Variants in DCLK1 observed in about 807,000 individuals in gnomAD.
DCLK1 encodes the protein serine/threonine-protein kinase DCLK1.
Under a neutral mutation model 86.2 loss-of-function variants are expected in DCLK1, and 16 were observed. The ratio of observed to expected loss-of-function variants is 0.19; its 90% CI spans 0.13 to 0.28. The LOEUF (loss-of-function observed/expected upper bound fraction) is 0.28. Among genes scored for constraint, DCLK1 ranks in the 10% least tolerant of loss-of-function variants. The pLI is 1.00. For missense variants in DCLK1, 590 were observed against 940.2 expected, an observed-to-expected ratio of 0.63 and a Z score of 4.87; for synonymous variants, 369 against 370.5, an observed-to-expected ratio of 1.00 and a Z score of 0.05.
intron 3 of DCLK1, among the ~76,000 whole-genome samples, chr13:35,982,552 C>T (rs546335495): frequency 1.3e-5 from 2 of 151,038 alleles, no homozygotes; most frequent in South Asian, 4.2e-4. Context: ...TTTCTAAAAC[C>T]AGAGTGGGCC....
chr13:35,781,621 T>C (rs868114992), intron 16 of DCLK1, among the ~76,000 whole-genome samples: 15 of 152,240 alleles, frequency 9.9e-5, no homozygotes. Context: ...AGGCAAACAT[T>C]GACTGCTTTT....
intron 15 of DCLK1, among the ~76,000 whole-genome samples, chr13:35,802,970 G>T (rs778747233): frequency 6.6e-6 from 1 of 152,178 alleles, no homozygotes; most frequent in Non-Finnish European, 1.5e-5. Flanking sequence ...AGTGAGTTTG[G>T]AAAGGTTGCT....
intron 3 of DCLK1, among the ~76,000 whole-genome samples, chr13:36,045,039 C>G (rs1882827391): frequency 6.6e-6 from 1 of 151,266 alleles, no homozygotes; most frequent in Non-Finnish European, 1.5e-5. Context: ...ACCTCAGAAG[C>G]AGTAATAATA....
intron 4 of DCLK1, among the ~76,000 whole-genome samples, chr13:35,927,425 A>C (rs529695800): frequency 2.0e-4 from 31 of 152,288 alleles, no homozygotes; most frequent in African/African-American, 6.7e-4. Flanking sequence ...CTGAGCTGGG[A>C]GCTAGTCATT....
chr13:35,830,958 A>G (rs929369279), intron 8 of DCLK1, among the ~76,000 whole-genome samples: 9 of 151,684 alleles, frequency 5.9e-5, no homozygotes, highest in Non-Finnish European at 1.3e-4. Context: ...TGTAGAGCAC[A>G]GGAGGGCTGA....
chr13:35,908,421 A>T (rs1593721554), intron 4 of DCLK1, among the ~76,000 whole-genome samples: 1 of 152,200 alleles, frequency 6.6e-6, no homozygotes, highest in East Asian at 1.9e-4. Context: ...GATTATGCTA[A>T]TTCTTAACTA....
intron 3 of DCLK1, among the ~76,000 whole-genome samples, chr13:35,988,145 T>C (rs1880035176): frequency 6.6e-6 from 1 of 152,198 alleles, no homozygotes; most frequent in Non-Finnish European, 1.5e-5. Flanking sequence ...CCTCCAACCC[T>C]GAGTGGCTGG....
intron 1 of DCLK1, among the ~76,000 whole-genome samples, chr13:36,128,521 C>T (rs1886264205): frequency 6.6e-6 from 1 of 152,142 alleles, no homozygotes; most frequent in Admixed American, 6.5e-5. Context: ...ATCCAGACCT[C>T]GTCTGCACAC....
At chr13:36,094,010 T>TC (rs1236907584) in intron 3 of DCLK1, among the ~76,000 whole-genome samples, 2 of 152,214 alleles carry the variant, frequency 1.3e-5, no homozygotes, top group Non-Finnish European at 2.9e-5. Context: ...TGCCTCATCC[T>TC]CCTTAGTAGA....
At chr13:35,879,780 T>G (rs971776687) in intron 4 of DCLK1, among the ~76,000 whole-genome samples, 9 of 152,342 alleles carry the variant, frequency 5.9e-5, no homozygotes, top group Non-Finnish European at 1.2e-4. Context: ...TTTCCTGAAA[T>G]GAATACTGAT....
intron 16 of DCLK1, chr13:35,788,101 T>C (rs984567201): frequency 2.0e-6 from 2 of 988,420 alleles, no homozygotes; most frequent in Non-Finnish European, 3.3e-6. Flanking sequence ...AAGCAGCATA[T>C]GGACTGGATA....
intron 3 of DCLK1, among the ~76,000 whole-genome samples, chr13:35,966,459 A>G (rs1354877928): frequency 6.6e-6 from 1 of 151,704 alleles, no homozygotes; most frequent in Admixed American, 6.6e-5. Context: ...AGCCTTAAAA[A>G]GAATGAAAAT....
chr13:36,006,801 A>C (rs1424576137), intron 3 of DCLK1, among the ~76,000 whole-genome samples: 2 of 152,256 alleles, frequency 1.3e-5, no homozygotes, highest in Non-Finnish European at 2.9e-5. Context: ...AGCTGACCCC[A>C]GTCAAGTAAC....
chr13:35,849,836 T>A (rs1192777706), intron 6 of DCLK1: 1 of 983,870 alleles, frequency 1.0e-6, no homozygotes, highest in East Asian at 1.1e-4. Flanking sequence ...TTGGAAAAAG[T>A]CCAGACACAA....
intron 3 of DCLK1, among the ~76,000 whole-genome samples, chr13:35,975,748 T>A (rs1414898593): frequency 6.6e-6 from 1 of 152,192 alleles, no homozygotes; most frequent in African/African-American, 2.4e-5. Context: ...CTAACTCACC[T>A]GAAATCACCA....
At chr13:36,063,846 T>A (rs995438053) in intron 3 of DCLK1, among the ~76,000 whole-genome samples, 12 of 152,190 alleles carry the variant, frequency 7.9e-5, no homozygotes, top group Non-Finnish European at 1.5e-4. Context: ...AGTACTCAGC[T>A]TGGCACAGAG....
intron 4 of DCLK1, among the ~76,000 whole-genome samples, chr13:35,877,961 C>T (rs1539547): frequency 2.0e-5 from 3 of 152,200 alleles, no homozygotes; most frequent in Non-Finnish European, 4.4e-5. Context: ...TCACTTCCCT[C>T]CCCTTGGGAG....
chr13:35,827,306 T>A (rs1042302582), intron 10 of DCLK1, among the ~76,000 whole-genome samples: 1 of 152,214 alleles, frequency 6.6e-6, no homozygotes, highest in African/African-American at 2.4e-5. Context: ...ATTGTATTGG[T>A]ACCTAATGCT....
At chr13:35,827,427 A>T (rs765104933) in intron 10 of DCLK1, among the ~76,000 whole-genome samples, 2 of 152,180 alleles carry the variant, frequency 1.3e-5, no homozygotes, top group African/African-American at 2.4e-5. Context: ...AGACATAAAG[A>T]GGTAGACCCA....
Sources: gnomAD v4.1 joint callset for allele counts (sites outside exome capture counted in the v4.1 genomes callset) on GRCh38, gnomAD v4.1.1 for gene constraint, MANE v1.5 for transcripts, NCBI Gene and HGNC (gene_info 2026-07-23, HGNC 2026-07-21) for gene names.